The following GRIK1 variants were observed in gnomAD, a reference collection of about 807,000 sequenced individuals.
GRIK1 encodes the protein glutamate receptor ionotropic, kainate 1.
A neutral mutation model predicts 105.7 loss-of-function variants in GRIK1; 69 were observed. That is an observed-to-expected ratio of 0.65 (90% CI 0.54 to 0.80). The LOEUF (loss-of-function observed/expected upper bound fraction) is 0.80. Ranked by LOEUF, GRIK1 falls within the 30% of genes least tolerant of loss-of-function variation. The pLI is 0.00. For synonymous variants in GRIK1, 438 were observed against 431.3 expected, an observed-to-expected ratio of 1.02 and a Z score of -0.19; for missense variants, 1,109 against 1,167.3, an observed-to-expected ratio of 0.95 and a Z score of 0.73.
chr21:29,861,397 C>T (rs2068632081), intron 1 of GRIK1, among the ~76,000 whole-genome samples: 1 of 152,098 alleles, frequency 6.6e-6, no homozygotes, highest in South Asian at 2.1e-4. Context: ...ACTCTGCTAC[C>T]TGGGCTCAAG....
At chr21:29,727,586 G>T (rs756120909) in intron 1 of GRIK1, among the ~76,000 whole-genome samples, 11 of 152,114 alleles carry the variant, frequency 7.2e-5, no homozygotes, top group Non-Finnish European at 1.6e-4. Context: ...GTTTATAAAC[G>T]GGAGCAGGCG....
intron 15 of GRIK1, 140 bp from the exon 16 acceptor site, chr21:29,555,442 G>A (rs2090227728): frequency 6.8e-6 from 5 of 732,224 alleles, no homozygotes; most frequent in Admixed American, 4.8e-5. Flanking sequence ...CAAAGGACAG[G>A]AAAGTTCACT....
chr21:29,622,380 C>A (rs1335106549), intron 7 of GRIK1, among the ~76,000 whole-genome samples: 2 of 152,218 alleles, frequency 1.3e-5, no homozygotes, highest in African/African-American at 4.8e-5. Context: ...CGTTGGAAGA[C>A]ATGCTTTAGA....
At chr21:29,720,246 T>A (rs2064286524) in intron 1 of GRIK1, among the ~76,000 whole-genome samples, 2 of 152,222 alleles carry the variant, frequency 1.3e-5, no homozygotes, top group Admixed American at 6.5e-5. Flanking sequence ...ATTTTATTGT[T>A]CCACTGTCTT....
intron 1 of GRIK1, among the ~76,000 whole-genome samples, chr21:29,875,578 G>T (rs1369652491): frequency 1.3e-5 from 2 of 152,076 alleles, no homozygotes; most frequent in Non-Finnish European, 2.9e-5. Flanking sequence ...TGGAAACAAT[G>T]CCTCTCAGCA....
intron 1 of GRIK1, among the ~76,000 whole-genome samples, chr21:29,929,759 G>A (rs755211319): frequency 6.6e-6 from 1 of 152,140 alleles, no homozygotes; most frequent in African/African-American, 2.4e-5. Flanking sequence ...ACAGTATGTA[G>A]GTTGCTTAAA....
chr21:29,617,069 G>A (rs765864705), intron 7 of GRIK1, among the ~76,000 whole-genome samples: 42 of 152,028 alleles, frequency 2.8e-4, no homozygotes, highest in South Asian at 1.0e-3. Context: ...GATAAAAGAT[G>A]GGCTTTGCAG....
intron 1 of GRIK1, among the ~76,000 whole-genome samples, chr21:29,752,038 G>A (rs2065218487): frequency 6.6e-6 from 1 of 152,188 alleles, no homozygotes; most frequent in African/African-American, 2.4e-5. Context: ...AGCCTTTTTA[G>A]TACTGGCAAG....
intron 1 of GRIK1, among the ~76,000 whole-genome samples, chr21:29,704,957 T>C (rs1333402154): frequency 6.6e-6 from 1 of 152,214 alleles, no homozygotes; most frequent in Non-Finnish European, 1.5e-5. Context: ...TTGACAGCAG[T>C]TATAGTTTTA....
intron 1 of GRIK1, among the ~76,000 whole-genome samples, chr21:29,791,517 G>A (rs906846011): frequency 6.6e-6 from 1 of 151,796 alleles, no homozygotes; most frequent in African/African-American, 2.4e-5. Context: ...AGTGGGGGGG[G>A]AATTTAAATA....
intron 14 of GRIK1, among the ~76,000 whole-genome samples, chr21:29,567,873 A>G (rs1167496573): frequency 6.6e-6 from 1 of 152,226 alleles, no homozygotes; most frequent in Non-Finnish European, 1.5e-5. Context: ...TTGAAGGAAG[A>G]TGATCAGAAG....
intron 1 of GRIK1, among the ~76,000 whole-genome samples, chr21:29,740,827 C>G (rs2064908685): frequency 6.6e-6 from 1 of 152,220 alleles, no homozygotes. Flanking sequence ...TGACAAGGCA[C>G]TGCAGACGAC....
At chr21:29,780,979 A>G (rs1194563433) in intron 1 of GRIK1, among the ~76,000 whole-genome samples, 1 of 152,178 alleles carries the variant, frequency 6.6e-6, no homozygotes, top group African/African-American at 2.4e-5. Context: ...CAGATTATAG[A>G]TATAACACAT....
At chr21:29,829,273 C>T (rs574917312) in intron 1 of GRIK1, among the ~76,000 whole-genome samples, 1 of 152,154 alleles carries the variant, frequency 6.6e-6, no homozygotes, top group Admixed American at 6.5e-5. Flanking sequence ...TGTTTCTGGA[C>T]CATTATATGG....
chr21:29,622,193 C>T (rs898628277), intron 7 of GRIK1, among the ~76,000 whole-genome samples: 15 of 152,110 alleles, frequency 9.9e-5, no homozygotes, highest in African/African-American at 1.9e-4. Context: ...GTGATCCACC[C>T]GTCTCAGCCT....
intron 1 of GRIK1, among the ~76,000 whole-genome samples, chr21:29,772,730 T>C (rs980698449): frequency 6.6e-6 from 1 of 152,198 alleles, no homozygotes; most frequent in Non-Finnish European, 1.5e-5. Flanking sequence ...ATACTAAAAT[T>C]GTGCAAAGAG....
At chr21:29,800,809 A>G (rs1425571983) in intron 1 of GRIK1, among the ~76,000 whole-genome samples, 2 of 152,218 alleles carry the variant, frequency 1.3e-5, no homozygotes. Context: ...TGAACAAAAA[A>G]TGGTAAGACC....
intron 7 of GRIK1, among the ~76,000 whole-genome samples, chr21:29,615,214 G>T (rs2146392874): frequency 6.6e-6 from 1 of 151,732 alleles, no homozygotes; most frequent in African/African-American, 2.4e-5. Flanking sequence ...ATTACAGTTT[G>T]TTGTGTGCAT....
chr21:29,710,184 T>A (rs1453697194), intron 1 of GRIK1, among the ~76,000 whole-genome samples: 1 of 152,068 alleles, frequency 6.6e-6, no homozygotes, highest in Admixed American at 6.6e-5. Context: ...TGAATACTAT[T>A]CTTTATATTA....
Sources: allele counts gnomAD v4.1 joint callset (sites outside exome capture counted in the v4.1 genomes callset), GRCh38; gene constraint gnomAD v4.1.1; transcripts MANE v1.5; gene names NCBI Gene and HGNC (gene_info 2026-07-23, HGNC 2026-07-21).